SYT1: variants seen among roughly 807,000 people sequenced by gnomAD.
The protein encoded by SYT1 is synaptotagmin-1.
SYT1 carries 8 observed loss-of-function variants against 44.8 expected under a neutral mutation model. That is an observed-to-expected ratio of 0.18 (90% confidence interval 0.10 to 0.32). The LOEUF is 0.32. Among genes scored for constraint, SYT1 ranks in the 10% least tolerant of loss-of-function variants. The pLI is 1.00. For synonymous variants in SYT1, 154 were observed against 188.8 expected, an observed-to-expected ratio of 0.82 and a Z score of 1.51; for missense variants, 286 against 509.3, an observed-to-expected ratio of 0.56 and a Z score of 4.22.
At chr12:79,382,636 G>A (rs749335651) in intron 9 of SYT1, among the ~76,000 whole-genome samples, 8 of 152,142 alleles carry the variant, frequency 5.3e-5, no homozygotes, top group East Asian at 1.9e-4. Context: ...TAGTGTACAC[G>A]TACTGCCCTT....
chr12:79,431,535 T>TATTC (rs1869785320), intron 9 of SYT1, among the ~76,000 whole-genome samples: 1 of 149,264 alleles, frequency 6.7e-6, no homozygotes, highest in Non-Finnish European at 1.5e-5. Context: ...TTTATTTATT[T>TATTC]ATTTATTTAT....
intron 2 of SYT1, among the ~76,000 whole-genome samples, chr12:79,038,096 C>G (rs764801120): frequency 6.6e-6 from 1 of 151,340 alleles, no homozygotes; most frequent in Non-Finnish European, 1.5e-5. Context: ...TCTACCTTGA[C>G]TCACTAATTA....
chr12:79,429,272 T>C (rs182816567), intron 9 of SYT1, among the ~76,000 whole-genome samples: 41 of 152,232 alleles, frequency 2.7e-4, no homozygotes, highest in African/African-American at 9.9e-4. Flanking sequence ...AGTGGTGTGA[T>C]CTTGGCTCAC....
At chr12:78,987,310 T>C (rs910293155) in intron 2 of SYT1, among the ~76,000 whole-genome samples, 13 of 152,024 alleles carry the variant, frequency 8.6e-5, no homozygotes, top group African/African-American at 3.1e-4. Flanking sequence ...TGGTGTGTGT[T>C]TTCTAGACAA....
chr12:78,874,188 A>G (rs1423629021), intron 1 of SYT1, among the ~76,000 whole-genome samples: 3 of 151,590 alleles, frequency 2.0e-5, no homozygotes, highest in Admixed American at 2.0e-4. Context: ...AAGTAGTGGA[A>G]AAAGAATAAC....
intron 4 of SYT1, among the ~76,000 whole-genome samples, chr12:79,270,383 T>C (rs1293971826): frequency 6.6e-6 from 1 of 152,142 alleles, no homozygotes; most frequent in Non-Finnish European, 1.5e-5. Context: ...AATAGAGATA[T>C]GTTGAAGGTA....
At chr12:79,012,084 A>T (rs936001638) in intron 2 of SYT1, among the ~76,000 whole-genome samples, 1 of 150,378 alleles carries the variant, frequency 6.6e-6, no homozygotes, top group African/African-American at 2.5e-5. Flanking sequence ...GTGAGCCGAG[A>T]TCAGCCCACT....
intron 9 of SYT1, among the ~76,000 whole-genome samples, chr12:79,380,733 T>G (rs1593016881): frequency 6.6e-6 from 1 of 152,204 alleles, no homozygotes; most frequent in Non-Finnish European, 1.5e-5. Context: ...TTAAAAGGAC[T>G]GTAATAAGCT....
intron 4 of SYT1, among the ~76,000 whole-genome samples, chr12:79,254,511 T>C (rs1323974571): frequency 6.6e-6 from 1 of 152,224 alleles, no homozygotes; most frequent in Non-Finnish European, 1.5e-5. Context: ...TTCATGCTTG[T>C]TAACACAACA....
chr12:79,101,692 G>A (rs1018511175), intron 3 of SYT1, among the ~76,000 whole-genome samples: 2 of 152,096 alleles, frequency 1.3e-5, no homozygotes, highest in African/African-American at 2.4e-5. Context: ...AAGTTGAGGT[G>A]TAGAAACCAC....
At position 79,321,953 on chromosome 12, in the gene SYT1, C is replaced by T. The variant is rs569147219; in HGVS notation, c.810+22402C>T. 5.4e-4 allele frequency among the ~76,000 whole-genome samples: 82 copies of T among 152,218 alleles called. 1 individual carries two copies. The South Asian group carries it at 0.012, about 22-fold the overall frequency. On this transcript the variant is annotated intron_variant, in intron 8 of 10. Transcript: ENST00000261205. ...TTGCCCAGCCATTAGTTAGAGTGCC[C>T]GGACGAGAGGAGAGAAGCAGAGGCT...
At chr12:79,214,236 T>C (rs1874642634) in intron 3 of SYT1, among the ~76,000 whole-genome samples, 1 of 152,176 alleles carries the variant, frequency 6.6e-6, no homozygotes, top group African/African-American at 2.4e-5. Flanking sequence ...TAAAAAGAAC[T>C]TTGTCTATAT....
rs1275126434 is a variant in SYT1, at chr12:79,450,225, AC to A, written c.*1102del. 1 of 152,638 alleles carries A rather than the reference AC, an allele frequency of 6.6e-6. No homozygotes were observed. Among genetic ancestry groups the A allele is most frequent in the Non-Finnish European group, 1.5e-5 (1 of 68,030 alleles). 9.5% of individuals were successfully genotyped at this position (152,638 alleles called of 1,614,324 possible). A position where few individuals can be genotyped will look rare whatever the true frequency, so the allele number is the denominator to read the frequency against. On this transcript the variant is annotated 3_prime_UTR_variant, in exon 11 of 11. Transcript: ENST00000261205. ...TAACACAACAATCTGTGCTTATTAC[AC>A]AAAATTACTTTGTGGTAAACAGACA...
At chr12:78,911,947 T>C (rs2137129660) in intron 1 of SYT1, among the ~76,000 whole-genome samples, 1 of 152,012 alleles carries the variant, frequency 6.6e-6, no homozygotes, top group East Asian at 1.9e-4. Context: ...AAATTTGTAT[T>C]AATAGAATCA....
intron 3 of SYT1, among the ~76,000 whole-genome samples, chr12:79,186,762 A>G (rs759143490): frequency 7.9e-5 from 12 of 152,052 alleles, no homozygotes; most frequent in Admixed American, 5.3e-4. Flanking sequence ...TGAGTAGTAG[A>G]CAATGAAGGC....
At chr12:79,267,286 T>C (rs907555274) in intron 4 of SYT1, among the ~76,000 whole-genome samples, 3 of 152,184 alleles carry the variant, frequency 2.0e-5, no homozygotes, top group Non-Finnish European at 2.9e-5. Context: ...AAAGTAGATA[T>C]TAAGATATTG....
At chr12:78,936,476 T>A (rs548932147) in intron 1 of SYT1, among the ~76,000 whole-genome samples, 3 of 152,290 alleles carry the variant, frequency 2.0e-5, no homozygotes, top group Admixed American at 2.0e-4. Flanking sequence ...TTAGTATAAT[T>A]CTTGTAGATT....
intron 1 of SYT1, among the ~76,000 whole-genome samples, chr12:78,876,664 C>G (rs1288202091): frequency 7.1e-5 from 8 of 111,952 alleles, no homozygotes; most frequent in Non-Finnish European, 1.2e-4. Context: ...CACGTGTGCA[C>G]ATGTGTACAT....
intron 9 of SYT1, among the ~76,000 whole-genome samples, chr12:79,429,630 G>T (rs999102137): frequency 6.6e-6 from 1 of 151,912 alleles, no homozygotes; most frequent in Non-Finnish European, 1.5e-5. Flanking sequence ...CCGGGTTCAC[G>T]CCATTCTCCT....
Sources: gnomAD v4.1 joint callset for allele counts (sites outside exome capture counted in the v4.1 genomes callset) on GRCh38, gnomAD v4.1.1 for gene constraint, MANE v1.5 for transcripts, NCBI Gene and HGNC (gene_info 2026-07-23, HGNC 2026-07-21) for gene names.